The following SLC16A1 variants were observed in gnomAD, a reference collection of about 807,000 sequenced individuals.
SLC16A1 encodes solute carrier family 16 member 1.
A neutral mutation model predicts 32.2 loss-of-function variants in SLC16A1; 11 were observed. That is an observed-to-expected ratio of 0.34 (90% CI 0.21 to 0.56). The LOEUF (loss-of-function observed/expected upper bound fraction) is 0.56. Ranked by LOEUF, SLC16A1 falls within the 20% of genes least tolerant of loss-of-function variation. SLC16A1 has a pLI of 0.87. For missense variants in SLC16A1, 435 were observed against 615.0 expected (o/e 0.71, Z 3.10); for synonymous variants, 231 against 226.8 (o/e 1.02, Z -0.17).
chr1:112,954,600 T>C (rs1042534194), intron 1 of SLC16A1, among the ~76,000 whole-genome samples: 8 of 152,220 alleles, frequency 5.3e-5, no homozygotes, highest in African/African-American at 1.9e-4. Context: ...TTAAGGACAT[T>C]ACAGTCTATC....
Position 112,917,462 on chromosome 1 carries a change from G to A in SLC16A1, c.944C>T (p.Ser315Phe). 6.2e-7 allele frequency: 1 copy of A among 1,614,186 alleles called. No individual in the cohort carries two copies. Among genetic ancestry groups the A allele is most frequent in the Non-Finnish European group, 8.5e-7 (1 of 1,180,034 alleles). ...CTTTGTGTTGGCTACAAGTCCCATA[G>A]ATGGTCGGGCTACCATGTCAACAAA... ...LAFVDMVARPSMGLVANTKPI... is the reference protein window; with the variant it reads ...LAFVDMVARPFMGLVANTKPI... The change falls in exon 4 of 5, where the codon TCT (serine) becomes TTT (phenylalanine). Residue 315 changes from serine (S) to phenylalanine (F), a missense_variant. Ser to Phe is a radical substitution (Grantham distance 155). Coordinates refer to ENST00000369626, the MANE Select transcript of SLC16A1 (RefSeq NM_003051.4). The surrounding 1 kb of genome is among the most constrained non-coding windows in gnomAD (Gnocchi z 4.1).
chr1:112,917,013 T>C lies in SLC16A1; in HGVS notation c.1228+165A>G, dbSNP rs1648534536. ...GGTTCCATTTAATTAGATTCTATATTTGAGCAATTATGCTGTGCCAAGCAT... is the reference window on the plus strand; with the variant it reads ...GGTTCCATTTAATTAGATTCTATATCTGAGCAATTATGCTGTGCCAAGCAT... On this transcript the variant is annotated intron_variant, in intron 4 of 4. Coordinates refer to ENST00000369626, the MANE Select transcript of SLC16A1 (RefSeq NM_003051.4). The surrounding 1 kb of genome is among the most constrained non-coding windows in gnomAD (Gnocchi z 4.1). 2 of 850,226 alleles carry C rather than the reference T, an allele frequency of 2.4e-6. No individual in the cohort carries two copies. The highest frequency in any genetic ancestry group is 2.0e-5 in the Admixed American group (1 of 49,076). 52.7% of individuals were successfully genotyped at this position (850,226 alleles called of 1,614,324 possible).
rs1648418530 is a variant in SLC16A1, at chr1:112,914,078, A to G, written c.1316T>C (p.Ile439Thr). 6.2e-7 allele frequency: 1 copy of G among 1,614,076 alleles called. No individual in the cohort carries two copies. Among genetic ancestry groups the G allele is most frequent in the African/African-American group, 1.3e-5 (1 of 74,932 alleles). ...AAGTCGATAATTGATGCCCATGCCAATGAAGAGATAGATACCTGAAATAAT... is the reference window on the plus strand; with the variant it reads ...AAGTCGATAATTGATGCCCATGCCAGTGAAGAGATAGATACCTGAAATAAT... ...VLIISGIYLF[I>T]GMGINYRLLA... The change falls in exon 5 of 5, where the codon ATT becomes ACT. Residue 439 changes from isoleucine to threonine, a missense_variant. Ile to Thr is a moderately conservative substitution (Grantham distance 89). This residue lies in a region of SLC16A1 where 111 missense variants were observed against 114.7 expected (regional missense o/e 0.97). Transcript: ENST00000369626.
In SLC16A1 at chr1:112,913,238, CTGAGAGGGGT is replaced by C. The variant is rs1159694358; in HGVS notation, c.*643_*652del. The C allele has an allele frequency of 2.6e-5, 4 of 152,452 alleles. No homozygotes were observed. Among genetic ancestry groups the C allele is most frequent in the Admixed American group, 1.3e-4 (2 of 15,308 alleles). 9.4% of individuals were successfully genotyped at this position (152,452 alleles called of 1,614,324 possible). A position where few individuals can be genotyped will look rare whatever the true frequency, so the allele number is the denominator to read the frequency against. Reference sequence around the variant, plus strand: ...TAATAAGCATCCCAAGAAAAGGTACCTGAGAGGGGTTGACAAGTACACTGTGTCTAGAACA... The same window carrying C: ...TAATAAGCATCCCAAGAAAAGGTACCTGACAAGTACACTGTGTCTAGAACA... On this transcript the variant is annotated 3_prime_UTR_variant, in exon 5 of 5. Transcript: ENST00000369626.
At position 112,914,176 on chromosome 1, in the gene SLC16A1, A is replaced by G. The variant is rs761207972; in HGVS notation, c.1229-11T>C. 9 of 1,614,102 alleles carry G rather than the reference A, an allele frequency of 5.6e-6. No individual in the cohort carries two copies. The highest frequency in any genetic ancestry group is 5.9e-6 in the Non-Finnish European group (7 of 1,179,978). ...TGTCATTGAGCCGACCTAAATATGT[A>G]AAACAACACAAACAGTTGTTTCTAA... is the stretch of plus-strand genomic sequence containing the variant. On this transcript the variant is annotated splice_polypyrimidine_tract_variant and intron_variant, in intron 4 of 4. Coordinates refer to ENST00000369626, the MANE Select transcript of SLC16A1 (RefSeq NM_003051.4).
intron 2 of SLC16A1, among the ~76,000 whole-genome samples, chr1:112,924,600 A>C (rs954830676): frequency 7.9e-5 from 12 of 152,190 alleles, no homozygotes; most frequent in Admixed American, 3.9e-4. Context: ...ACAACAACAA[A>C]AAAAAGAAAA....
chr1:112,926,733 G>A (rs1430446945), intron 2 of SLC16A1, among the ~76,000 whole-genome samples: 2 of 151,904 alleles, frequency 1.3e-5, no homozygotes, highest in African/African-American at 2.4e-5. Context: ...AATTAGCCGA[G>A]TGTGGTGGTG....
chr1:112,915,366 G>A (rs1648465387), intron 4 of SLC16A1, among the ~76,000 whole-genome samples: 1 of 152,172 alleles, frequency 6.6e-6, no homozygotes, highest in Non-Finnish European at 1.5e-5. Context: ...AAGGCGCAAT[G>A]GTAGGAGAGA....
rs1182264962 is a variant in SLC16A1, at chr1:112,914,117, C to T, written c.1277G>A (p.Cys426Tyr). ...YGDYKYTYWA[C>Y]GVVLIISGIY... ...ACCTGAAATAATTAGGACGACGCCACATGCCCAGTATGTGTATTTGTAGTC... is the reference window on the plus strand; with the variant it reads ...ACCTGAAATAATTAGGACGACGCCATATGCCCAGTATGTGTATTTGTAGTC... The change falls in exon 5 of 5, where the codon TGT becomes TAT. Residue 426 changes from cysteine to tyrosine, a missense_variant. By Grantham distance (194) the Cys-to-Tyr change is radical (BLOSUM62 -2). Coordinates refer to ENST00000369626, the MANE Select transcript of SLC16A1 (RefSeq NM_003051.4). 1 of 1,614,200 alleles carries T rather than the reference C, an allele frequency of 6.2e-7. No individual in the cohort carries two copies.
At chr1:112,923,703 A>G in intron 2 of SLC16A1, 1 of 1,537,346 alleles carries the variant, frequency 6.5e-7, no homozygotes, top group Non-Finnish European at 9.0e-7. Context: ...AGACCACAGC[A>G]CCCCGGTGGA....
chr1:112,950,287 T>C (rs7552903), intron 1 of SLC16A1, among the ~76,000 whole-genome samples: 45,945 of 152,082 alleles, frequency 0.3, 8,862 homozygotes, highest in African/African-American at 0.54. Context: ...AGTTTTGGTT[T>C]CCAAAACTCA....
intron 2 of SLC16A1, among the ~76,000 whole-genome samples, chr1:112,925,829 C>T (rs1648920530): frequency 6.6e-6 from 1 of 152,148 alleles, no homozygotes. Flanking sequence ...TACTAATGAT[C>T]ACATATTGGC....
intron 1 of SLC16A1, among the ~76,000 whole-genome samples, chr1:112,933,903 C>G (rs1165104568): frequency 6.6e-6 from 1 of 152,136 alleles, no homozygotes; most frequent in Non-Finnish European, 1.5e-5. Context: ...AAAAAATTCT[C>G]TAGCAGCTTG....
At chr1:112,939,347 T>C (rs574656600) in intron 1 of SLC16A1, among the ~76,000 whole-genome samples, 16 of 152,260 alleles carry the variant, frequency 1.1e-4, no homozygotes, top group African/African-American at 3.6e-4. Context: ...AAAAATACAA[T>C]TACCATTTGA....
At chr1:112,941,996 G>A (rs1171390038) in intron 1 of SLC16A1, among the ~76,000 whole-genome samples, 1 of 151,714 alleles carries the variant, frequency 6.6e-6, no homozygotes, top group Non-Finnish European at 1.5e-5. Context: ...TTGAGATGGA[G>A]TTTCACTCTT....
rs769971958 is a variant in SLC16A1, at chr1:112,917,861, C to G, written c.545G>C (p.Gly182Ala). The stretch of plus-strand genomic sequence containing the variant: ...AACACAGCAGTTTAGTAGCAAGCCC[C>G]CAAGAATTAGAAAGCTTCCTCTCCA... ...FGWRGSFLIL[G>A]GLLLNCCVAG... The change falls in exon 4 of 5, where the codon GGG (glycine) becomes GCG (alanine). Residue 182 changes from glycine (G) to alanine (A), a missense_variant. Gly to Ala is a moderately conservative substitution (Grantham distance 60, BLOSUM62 0). Transcript: ENST00000369626. This position sits in a 1 kb window ranked among gnomAD's most constrained non-coding sequence, Gnocchi z 4.1. The G allele has an allele frequency of 6.2e-7, 1 of 1,612,548 alleles. No homozygotes were observed. The highest frequency in any genetic ancestry group is 8.5e-7 in the Non-Finnish European group (1 of 1,179,368).
intron 3 of SLC16A1, among the ~76,000 whole-genome samples, chr1:112,921,405 C>T (rs529590560): frequency 2.2e-4 from 34 of 152,222 alleles, no homozygotes; most frequent in African/African-American, 8.2e-4. Flanking sequence ...GTTCACAAAA[C>T]TTTCAACTTA....
intron 2 of SLC16A1, 94 bp from the exon 3 acceptor site, chr1:112,922,227 T>C (rs564984998): frequency 8.5e-7 from 1 of 1,183,232 alleles, no homozygotes; most frequent in East Asian, 2.4e-5. Flanking sequence ...TCCTCCAAAA[T>C]AAACAAGCAG....
At chr1:112,939,765 A>C (rs538262924) in intron 1 of SLC16A1, among the ~76,000 whole-genome samples, 1 of 152,226 alleles carries the variant, frequency 6.6e-6, no homozygotes, top group South Asian at 2.1e-4. Context: ...TCGGTCTCCC[A>C]AAGTATTGGG....
Sources: allele counts gnomAD v4.1 joint callset (sites outside exome capture counted in the v4.1 genomes callset), GRCh38; gene constraint gnomAD v4.1.1; regional missense constraint gnomAD v4.1.1; non-coding constraint Gnocchi (gnomAD v3.1); transcripts MANE v1.5; gene names NCBI Gene and HGNC (gene_info 2026-07-23, HGNC 2026-07-21).